Variants in PTPRU observed in about 807,000 individuals in gnomAD.
PTPRU encodes the protein receptor-type tyrosine-protein phosphatase U.
PTPRU carries 69 observed loss-of-function variants against 166.3 expected under a neutral mutation model. That is an observed-to-expected ratio of 0.41 (90% confidence interval 0.34 to 0.51). The LOEUF is 0.51. Ranked by LOEUF, PTPRU falls within the 20% of genes least tolerant of loss-of-function variation. PTPRU has a pLI of 0.09. For missense variants in PTPRU, 1,657 were observed against 2,013.7 expected (o/e 0.82, Z 3.39); for synonymous variants, 793 against 814.0 (o/e 0.97, Z 0.44).
At position 29,236,532 on chromosome 1, in the gene PTPRU, C is replaced by T. The variant is rs542476287; in HGVS notation, c.-113C>T. Reference sequence around the variant, plus strand: ...TCTGGACTCGGCGCCAGTCCCGCTCCGCGCCGCGCCGCTCCGCTCCGGCTC... The same window carrying T: ...TCTGGACTCGGCGCCAGTCCCGCTCTGCGCCGCGCCGCTCCGCTCCGGCTC... On this transcript the variant is annotated 5_prime_UTR_variant, in exon 1 of 30. Coordinates refer to ENST00000373779, the MANE Select transcript of PTPRU (RefSeq NM_133178.4). This position sits in a 1 kb window ranked among gnomAD's most constrained non-coding sequence, Gnocchi z 4.6. 1.8e-5 allele frequency: 15 copies of T among 827,330 alleles called. No homozygotes were observed. The South Asian group carries it at 8.0e-4, about 44-fold the overall frequency. The allele number at this position is 827,330 out of a possible 1,614,324, so 51.2% of individuals were successfully genotyped here. A position where few individuals can be genotyped will look rare whatever the true frequency, so the allele number is the denominator to read the frequency against.
chr1:29,282,756 C>T lies in PTPRU; in HGVS notation c.1949C>T (p.Pro650Leu). Residue 650 changes from proline (P) to leucine (L), a missense_variant, in exon 12 of 30, where the codon CCA (proline) becomes CTA (leucine). Transcript: ENST00000373779. ...GGTGGACAGGACTGCTTCCCAGTGCCATTGACCTTCGAGGCGGCGCTGGCC... is the reference window on the plus strand; with the variant it reads ...GGTGGACAGGACTGCTTCCCAGTGCTATTGACCTTCGAGGCGGCGCTGGCC... ...EPGGQDCFPV[P>L]LTFEAALARG... 6.2e-7 allele frequency: 1 copy of T among 1,614,050 alleles called. No homozygotes were observed. The highest frequency in any genetic ancestry group is 8.5e-7 in the Non-Finnish European group (1 of 1,180,002).
At chr1:29,321,383 T>G (rs1242400866) in intron 26 of PTPRU, among the ~76,000 whole-genome samples, 1 of 152,076 alleles carries the variant, frequency 6.6e-6, no homozygotes, top group Non-Finnish European at 1.5e-5. Context: ...AGGGACTGCT[T>G]TGCACTCATG....
intron 25 of PTPRU, 106 bp downstream of exon 25, chr1:29,318,027 C>G: frequency 7.1e-7 from 1 of 1,412,010 alleles, no homozygotes; most frequent in Non-Finnish European, 9.6e-7. Context: ...GGGGGGACCC[C>G]TGCCCATTCT....
Position 29,311,476 on chromosome 1 carries a change from T to C in PTPRU, c.2878T>C (p.Tyr960His), listed in dbSNP as rs1439328311. 1.6e-5 allele frequency: 26 copies of C among 1,614,204 alleles called. No homozygotes were observed. The highest frequency in any genetic ancestry group is 1.8e-5 in the Non-Finnish European group (21 of 1,180,032). ...CCCAGGGCCGAAGCCTGAGATGGTC[T>C]ATGACTTCTGGCGTATGGTGTGGCA... is the stretch of plus-strand genomic sequence containing the variant. ...ATQGPKPEMV[Y>H]DFWRMVWQEH... The change falls in exon 20 of 30, where the codon TAT becomes CAT. Residue 960 changes from tyrosine to histidine, a missense_variant. Physicochemically the swap from Tyr to His is moderately conservative, Grantham distance 83. Around this residue, in one of 3 missense-constraint regions of PTPRU, gnomAD observed 1,190 missense variants for 1,477.4 expected, o/e 0.81. Coordinates refer to ENST00000373779, the MANE Select transcript of PTPRU (RefSeq NM_133178.4). The surrounding 1 kb of genome is among the most constrained non-coding windows in gnomAD (Gnocchi z 4.1).
At position 29,311,516 on chromosome 1, in the gene PTPRU, G is replaced by C; in HGVS notation, c.2918G>C (p.Ser973Thr). 6.2e-7 allele frequency: 1 copy of C among 1,614,200 alleles called. No homozygotes were observed. Reference protein sequence around the residue: ...WRMVWQEHCSSIVMITKLVEV... With the variant: ...WRMVWQEHCSTIVMITKLVEV... The stretch of plus-strand genomic sequence containing the variant: ...ATGGTGTGGCAGGAGCACTGTTCCA[G>C]CATCGTCATGATCACCAAGCTGGTC... Residue 973 changes from serine to threonine, a missense_variant, in exon 20 of 30, where the codon AGC becomes ACC. This residue lies in a region of PTPRU where 1,190 missense variants were observed against 1,477.4 expected (regional missense o/e 0.81). Coordinates refer to ENST00000373779, the MANE Select transcript of PTPRU (RefSeq NM_133178.4). This position sits in a 1 kb window ranked among gnomAD's most constrained non-coding sequence, Gnocchi z 4.1.
intron 26 of PTPRU, among the ~76,000 whole-genome samples, chr1:29,321,480 C>A (rs1688158206): frequency 6.6e-6 from 1 of 152,166 alleles, no homozygotes; most frequent in Non-Finnish European, 1.5e-5. Context: ...TTCTCCAGGG[C>A]CACATGGCTG....
chr1:29,316,062 A>G lies in PTPRU; in HGVS notation c.3424A>G (p.Ile1142Val). The change falls in exon 24 of 30, where the codon ATC becomes GTC. Residue 1142 changes from isoleucine to valine, a missense_variant. Around this residue, in one of 3 missense-constraint regions of PTPRU, gnomAD observed 1,190 missense variants for 1,477.4 expected, o/e 0.81. Transcript: ENST00000373779. The stretch of plus-strand genomic sequence containing the variant: ...GGCCTGCCTGTGTGGGGAGACCACC[A>G]TCCCTGTCAGTGAGTTCAAGGCCAC... ...LEACLCGETT[I>V]PVSEFKATYK... is the part of the protein sequence containing the mutation. 1 of 1,614,012 alleles carries G rather than the reference A, an allele frequency of 6.2e-7. No individual in the cohort carries two copies. The highest frequency in any genetic ancestry group is 8.5e-7 in the Non-Finnish European group (1 of 1,179,914).
intron 7 of PTPRU, among the ~76,000 whole-genome samples, chr1:29,267,402 C>T (rs1408060809): frequency 6.6e-6 from 1 of 152,054 alleles, no homozygotes; most frequent in African/African-American, 2.4e-5. Flanking sequence ...GTGATAAGTG[C>T]CGTGAAGAAG....
chr1:29,252,449 G>A (rs1553363087), intron 1 of PTPRU, among the ~76,000 whole-genome samples: 1 of 151,952 alleles, frequency 6.6e-6, no homozygotes, highest in Non-Finnish European at 1.5e-5. Flanking sequence ...TTAATTTTTA[G>A]TAGAGATGGG....
At chr1:29,303,186 C>G (rs1687214693) in intron 15 of PTPRU, among the ~76,000 whole-genome samples, 1 of 152,214 alleles carries the variant, frequency 6.6e-6, no homozygotes, top group Non-Finnish European at 1.5e-5. Context: ...ACCTGATCTC[C>G]AAGACCAGAG....
At chr1:29,306,543 G>A (rs1436530527) in intron 18 of PTPRU, among the ~76,000 whole-genome samples, 2 of 152,374 alleles carry the variant, frequency 1.3e-5, no homozygotes, top group Admixed American at 6.5e-5. Context: ...CACAGCTTGA[G>A]TGTTACACAG....
chr1:29,300,235 T>G (rs564270206), intron 15 of PTPRU, among the ~76,000 whole-genome samples: 22 of 152,282 alleles, frequency 1.4e-4, no homozygotes, highest in African/African-American at 5.3e-4. Flanking sequence ...TCTCTCAGTG[T>G]CTACATTGCA....
chr1:29,260,135 T>TGGGGGGGGGCGGG lies in PTPRU; in HGVS notation c.850+97_850+98insGGGCGGGGGGGGG. On this transcript the variant is annotated intron_variant, in intron 6 of 29. Coordinates refer to ENST00000373779, the MANE Select transcript of PTPRU (RefSeq NM_133178.4). The surrounding 1 kb of genome is among the most constrained non-coding windows in gnomAD (Gnocchi z 8.3). The stretch of plus-strand genomic sequence containing the variant: ...CGGGCTCTGCCCGGGGGCGTGGCCG[T>TGGGGGGGGGCGGG]GGGGGGTGGGGCCGGCAGGGTGTCG... 1 of 434,858 alleles carries TGGGGGGGGGCGGG rather than the reference T, an allele frequency of 2.3e-6. No homozygotes were observed. The highest frequency in any genetic ancestry group is 3.1e-6 in the Non-Finnish European group (1 of 324,690). The allele number at this position is 434,858 out of a possible 1,614,324, so 26.9% of individuals were successfully genotyped here.
At chr1:29,323,996 T>G (rs926703086) in intron 28 of PTPRU, among the ~76,000 whole-genome samples, 110 of 152,230 alleles carry the variant, frequency 7.2e-4, no homozygotes, top group African/African-American at 2.5e-3. Context: ...GACTCAGCCC[T>G]GAACAACTGC....
chr1:29,262,563 C>T (rs778117716), intron 7 of PTPRU, among the ~76,000 whole-genome samples: 2 of 151,944 alleles, frequency 1.3e-5, no homozygotes, highest in African/African-American at 4.8e-5. Context: ...TTGTTGTGAG[C>T]CTCTTACTGT....
At chr1:29,322,822 G>A (rs1372885355) in intron 26 of PTPRU, among the ~76,000 whole-genome samples, 1 of 152,102 alleles carries the variant, frequency 6.6e-6, no homozygotes, top group Non-Finnish European at 1.5e-5. Flanking sequence ...TCATAGGGCT[G>A]TACCTCCTCT....
Position 29,275,833 on chromosome 1 carries a change from GA to G in PTPRU, c.1453+78del, listed in dbSNP as rs567521958. 673 of 1,484,624 alleles carry G rather than the reference GA, an allele frequency of 4.5e-4. 3 individuals carry two copies. The African/African-American group carries it at 7.1e-3, about 16-fold the overall frequency. 92.0% of individuals were successfully genotyped at this position (1,484,624 alleles called of 1,614,324 possible). ...GCCATGTCTGAGACTGAAATTTACT[GA>G]GGGTATTTTTTTCTTTTTTTTGCTT... On this transcript the variant is annotated intron_variant, in intron 8 of 29. Transcript: ENST00000373779.
At position 29,317,584 on chromosome 1, in the gene PTPRU, G is replaced by A. The variant is rs1687954778; in HGVS notation, c.3514-164G>A. 6.6e-6 allele frequency among the ~76,000 whole-genome samples: 1 copy of A among 152,190 alleles called. No individual in the cohort carries two copies. ...TCTATCCAGGCCCTATAATGGCCTA[G>A]AGACAGGGAGTCTGGCTCCGTGCCC... On this transcript the variant is annotated intron_variant, in intron 24 of 29. Coordinates refer to ENST00000373779, the MANE Select transcript of PTPRU (RefSeq NM_133178.4). This position sits in a 1 kb window ranked among gnomAD's most constrained non-coding sequence, Gnocchi z 5.6.
chr1:29,263,146 G>C (rs1685147535), intron 7 of PTPRU, among the ~76,000 whole-genome samples: 1 of 152,126 alleles, frequency 6.6e-6, no homozygotes, highest in South Asian at 2.1e-4. Flanking sequence ...CACCATGCCT[G>C]GCTAATTTTC....
Sources: gnomAD v4.1 joint callset for allele counts (sites outside exome capture counted in the v4.1 genomes callset) on GRCh38, gnomAD v4.1.1 for gene constraint, gnomAD v4.1.1 regional missense constraint, Gnocchi (gnomAD v3.1) non-coding constraint, MANE v1.5 for transcripts, NCBI Gene and HGNC (gene_info 2026-07-23, HGNC 2026-07-21) for gene names.